UNC5C: variants seen among roughly 807,000 people sequenced by gnomAD.
UNC5C encodes unc-5 netrin receptor C, also known as netrin receptor UNC5C.
Under a neutral mutation model 99.8 loss-of-function variants are expected in UNC5C, and 47 were observed. The ratio of observed to expected loss-of-function variants is 0.47; its 90% CI spans 0.37 to 0.60. The LOEUF (loss-of-function observed/expected upper bound fraction) is 0.60. Among genes scored for constraint, UNC5C ranks in the 20% least tolerant of loss-of-function variants. UNC5C has a pLI of 0.00. For synonymous variants in UNC5C, 487 were observed against 452.2 expected (o/e 1.08, Z -0.98); for missense variants, 1,062 against 1,165.9 (o/e 0.91, Z 1.30).
chr4:95,477,452 G>C (rs1045188009), intron 1 of UNC5C, among the ~76,000 whole-genome samples: 5 of 152,026 alleles, frequency 3.3e-5, no homozygotes, highest in Non-Finnish European at 7.4e-5. Context: ...GAAAGGGCCA[G>C]CTCTGTGAAA....
At chr4:95,414,622 C>T (rs1267684670) in intron 1 of UNC5C, among the ~76,000 whole-genome samples, 1 of 152,284 alleles carries the variant, frequency 6.6e-6, no homozygotes, top group East Asian at 1.9e-4. Flanking sequence ...GTGAACACTT[C>T]GTGATGTCAG....
chr4:95,335,434 C>T lies in UNC5C; in HGVS notation c.322G>A (p.Asp108Asn). ...CCGGAAGTTTCATCTACTCTTTCAT[C>T]TACTATGTGGTCCTTCTGATGAACC... ...EWVHQKDHIV[D>N]ERVDETSGLI... The change falls in exon 2 of 16, where the codon GAT (aspartate) becomes AAT (asparagine). Residue 108 changes from aspartate to asparagine, a missense_variant. Asp to Asn is a conservative substitution (Grantham distance 23, BLOSUM62 1). Coordinates refer to ENST00000453304, the MANE Select transcript of UNC5C (RefSeq NM_003728.4). The T allele has an allele frequency of 6.2e-7, 1 of 1,611,518 alleles. No homozygotes were observed. Among genetic ancestry groups the T allele is most frequent in the Non-Finnish European group, 8.5e-7 (1 of 1,178,500 alleles).
At chr4:95,272,042 C>T (rs1740684802) in intron 4 of UNC5C, among the ~76,000 whole-genome samples, 1 of 113,622 alleles carries the variant, frequency 8.8e-6, no homozygotes, top group South Asian at 3.0e-4. Flanking sequence ...GATCTCAGCT[C>T]CATTACTGTC....
At chr4:95,178,339 C>T (rs1336539929) in intron 14 of UNC5C, among the ~76,000 whole-genome samples, 2 of 152,230 alleles carry the variant, frequency 1.3e-5, no homozygotes, top group African/African-American at 4.8e-5. Flanking sequence ...CCTGGGCGAG[C>T]ATACCCTAGG....
intron 1 of UNC5C, among the ~76,000 whole-genome samples, chr4:95,541,588 C>T (rs540692695): frequency 6.6e-6 from 1 of 152,184 alleles, no homozygotes; most frequent in Admixed American, 6.5e-5. Flanking sequence ...AAAATGATCA[C>T]TTTTATCTAC....
chr4:95,542,159 T>C (rs1337171896), intron 1 of UNC5C, among the ~76,000 whole-genome samples: 1 of 152,140 alleles, frequency 6.6e-6, no homozygotes, highest in Non-Finnish European at 1.5e-5. Flanking sequence ...GAGTAATCAA[T>C]ATCATCTGTT....
In UNC5C at chr4:95,268,050, C is replaced by T. The variant is rs112100624; in HGVS notation, c.594+10209G>A. ...CTGCAAGCTCCGCCTCCCAGGTTCA[C>T]GCCATTCTTCTGCCTCAGCCTCCGG... On this transcript the variant is annotated intron_variant, in intron 4 of 15. Coordinates refer to ENST00000453304, the MANE Select transcript of UNC5C (RefSeq NM_003728.4). Among the ~76,000 whole-genome samples, 117 of 150,286 alleles carry T rather than the reference C, an allele frequency of 7.8e-4. 2 individuals are homozygous for T. Among genetic ancestry groups the T allele is most frequent in the African/African-American group, 2.8e-3 (113 of 40,810 alleles).
At chr4:95,436,222 T>A (rs907179838) in intron 1 of UNC5C, among the ~76,000 whole-genome samples, 3 of 151,782 alleles carry the variant, frequency 2.0e-5, no homozygotes, top group African/African-American at 7.3e-5. Context: ...ATAGGATCAA[T>A]CATTAACAGC....
chr4:95,393,037 AC>A (rs1745407287), intron 1 of UNC5C, among the ~76,000 whole-genome samples: 1 of 152,126 alleles, frequency 6.6e-6, no homozygotes, highest in Non-Finnish European at 1.5e-5. Context: ...GCACCCTTTA[AC>A]CTGGAAACAA....
intron 13 of UNC5C, 71 bp from the exon 14 acceptor site, chr4:95,183,132 C>G: frequency 6.8e-7 from 1 of 1,469,014 alleles, no homozygotes; most frequent in South Asian, 1.3e-5. Context: ...TGGTCTGCTG[C>G]CAGGTACTCT....
At chr4:95,413,430 A>G (rs993262912) in intron 1 of UNC5C, among the ~76,000 whole-genome samples, 2 of 152,146 alleles carry the variant, frequency 1.3e-5, no homozygotes, top group Non-Finnish European at 2.9e-5. Flanking sequence ...CAGAAGGCCA[A>G]ACTCCCTTTC....
At chr4:95,362,811 A>T (rs75177570) in intron 1 of UNC5C, among the ~76,000 whole-genome samples, 3,477 of 152,258 alleles carry the variant, frequency 0.023, 323 homozygotes, top group Admixed American at 0.16. Context: ...CCCCTTCTCT[A>T]TGCCATAGGC....
rs77737611 is a variant in UNC5C, at chr4:95,431,092, C to T, written c.125-95461G>A. 3.8e-3 allele frequency among the ~76,000 whole-genome samples: 572 copies of T among 152,156 alleles called. 4 individuals are homozygous for T. The highest frequency in any genetic ancestry group is 0.012 in the African/African-American group (514 of 41,530). On this transcript the variant is annotated intron_variant, in intron 1 of 15. Transcript: ENST00000453304. ...TCAAGTAAACCTGAGTTTAAAATGT[C>T]TTCACCCTCTCATACCCCATGCACT... is the stretch of plus-strand genomic sequence containing the variant.
At chr4:95,336,156 A>C (rs189393710) in intron 1 of UNC5C, among the ~76,000 whole-genome samples, 2 of 152,090 alleles carry the variant, frequency 1.3e-5, no homozygotes, top group East Asian at 3.9e-4. Context: ...CATTGTGTGA[A>C]ATATTCATTC....
intron 4 of UNC5C, among the ~76,000 whole-genome samples, chr4:95,255,843 C>T (rs549752538): frequency 6.6e-6 from 1 of 152,020 alleles, no homozygotes; most frequent in African/African-American, 2.4e-5. Flanking sequence ...TCTCTGCTTG[C>T]CCTGCCTTAC....
intron 1 of UNC5C, among the ~76,000 whole-genome samples, chr4:95,467,576 T>C (rs1747824652): frequency 6.6e-6 from 1 of 152,118 alleles, no homozygotes; most frequent in Admixed American, 6.6e-5. Flanking sequence ...AATAAGAGCG[T>C]GAAATTATTT....
At chr4:95,400,668 G>A (rs1560819708) in intron 1 of UNC5C, among the ~76,000 whole-genome samples, 1 of 152,094 alleles carries the variant, frequency 6.6e-6, no homozygotes, top group Non-Finnish European at 1.5e-5. Context: ...TGGGATTACA[G>A]GCGTGAGCCA....
chr4:95,267,948 G>GTTTTTTTTTTTTTTTTTTTTTTTTT (rs1740507303), intron 4 of UNC5C, among the ~76,000 whole-genome samples: 1 of 83,918 alleles, frequency 1.2e-5, no homozygotes, highest in African/African-American at 5.5e-5. Flanking sequence ...TGAATTTTGT[G>GTTTTTTTTTTTTTTTTTTTTTTTTT]ATTTTTTTTT....
At chr4:95,237,299 A>T (rs1739154973) in intron 7 of UNC5C, among the ~76,000 whole-genome samples, 1 of 152,218 alleles carries the variant, frequency 6.6e-6, no homozygotes, top group Non-Finnish European at 1.5e-5. Context: ...GTCAAAGGGT[A>T]TGATAACTTT....
Sources: gnomAD v4.1 joint callset for allele counts (sites outside exome capture counted in the v4.1 genomes callset) on GRCh38, gnomAD v4.1.1 for gene constraint, MANE v1.5 for transcripts, NCBI Gene and HGNC (gene_info 2026-07-23, HGNC 2026-07-21) for gene names.